Variants in GABRA2 observed in about 807,000 individuals in gnomAD.
The protein encoded by GABRA2 is gamma-aminobutyric acid type A receptor subunit alpha2, also known as gamma-aminobutyric acid receptor subunit alpha-2.
A neutral mutation model predicts 48.7 loss-of-function variants in GABRA2; 16 were observed. The observed-to-expected ratio is 0.33, with a 90% CI of 0.22 to 0.50. GABRA2 has a LOEUF of 0.50. Ranked by LOEUF, GABRA2 falls within the 20% of genes least tolerant of loss-of-function variation. The pLI is 0.98. For missense variants in GABRA2, 275 were observed against 535.6 expected, an observed-to-expected ratio of 0.51 and a Z score of 4.80; for synonymous variants, 185 against 184.5, an observed-to-expected ratio of 1.00 and a Z score of -0.02.
chr4:46,287,284 C>T (rs1722734640), intron 8 of GABRA2, among the ~76,000 whole-genome samples: 1 of 124,472 alleles, frequency 8.0e-6, no homozygotes, highest in African/African-American at 2.7e-5. Flanking sequence ...ATTCCTCCAG[C>T]TTTGTTCTTG....
chr4:46,376,370 T>C (rs150584029), intron 3 of GABRA2, among the ~76,000 whole-genome samples: 5 of 152,214 alleles, frequency 3.3e-5, no homozygotes, highest in African/African-American at 1.2e-4. Context: ...CACTGTGTAT[T>C]AAGGGGGAGA....
At position 46,389,882 on chromosome 4, in the gene GABRA2, G is replaced by A. The variant is rs2109397055; in HGVS notation, c.-158C>T. ...GAGAGACCGAGACTGCAGCAGCCAA[G>A]AGAGCGTGGAGCGATGGGCTGGTGG... is the stretch of plus-strand genomic sequence containing the variant. On this transcript the variant is annotated 5_prime_UTR_variant, in exon 1 of 10. Coordinates refer to ENST00000381620, the MANE Select transcript of GABRA2 (RefSeq NM_000807.4). The A allele has an allele frequency of 1.0e-6, 1 of 977,928 alleles. No homozygotes were observed. The highest frequency in any genetic ancestry group is 1.2e-6 in the Non-Finnish European group (1 of 828,490). 60.6% of individuals were successfully genotyped at this position (977,928 alleles called of 1,614,324 possible). A position where few individuals can be genotyped will look rare whatever the true frequency, so the allele number is the denominator to read the frequency against.
At chr4:46,255,886 T>C (rs957954205) in intron 9 of GABRA2, among the ~76,000 whole-genome samples, 1 of 151,486 alleles carries the variant, frequency 6.6e-6, no homozygotes, top group Non-Finnish European at 1.5e-5. Flanking sequence ...CACCTATGAG[T>C]AAAGTGACCT....
At position 46,331,817 on chromosome 4, in the gene GABRA2, G is replaced by A. The variant is rs371974430; in HGVS notation, c.255+798C>T. Among the ~76,000 whole-genome samples the A allele has an allele frequency of 2.2e-3, 332 of 152,104 alleles. 2 individuals are homozygous for A. The highest frequency in any genetic ancestry group is 7.3e-3 in the African/African-American group (301 of 41,512). ...CAGGATCACAGCTCACTGCAACTTC[G>A]ACCTCCTGGGCTCAAGTGATCCTCC... On this transcript the variant is annotated intron_variant, in intron 4 of 9. Coordinates refer to ENST00000381620, the MANE Select transcript of GABRA2 (RefSeq NM_000807.4).
At chr4:46,343,023 G>A (rs1192715952) in intron 3 of GABRA2, among the ~76,000 whole-genome samples, 2 of 151,730 alleles carry the variant, frequency 1.3e-5, no homozygotes, top group Admixed American at 6.6e-5. Flanking sequence ...CACTTTCTAA[G>A]CTTTTTTAAA....
intron 4 of GABRA2, among the ~76,000 whole-genome samples, chr4:46,331,560 A>C (rs1355872036): frequency 6.6e-6 from 1 of 152,178 alleles, no homozygotes; most frequent in African/African-American, 2.4e-5. Flanking sequence ...GAGAAAGGGA[A>C]GAATTTCATC....
rs72160209 is a variant in GABRA2, at chr4:46,264,986, CATAT to C, written c.857-2862_857-2859del. On this transcript the variant is annotated intron_variant, in intron 8 of 9. Transcript: ENST00000381620. ...CAATTGTTCCCAGAATTACTTTATA[CATAT>C]ATATATATATATGTATAAAGAGAGA... Among the ~76,000 whole-genome samples, 6 of 107,470 alleles carry C rather than the reference CATAT, an allele frequency of 5.6e-5. 1 individual carries two copies. Among genetic ancestry groups the C allele is most frequent in the Admixed American group, 2.0e-4 (2 of 10,190 alleles). 70.5% of individuals were successfully genotyped at this position (107,470 alleles called of 152,430 possible).
At chr4:46,347,996 A>C (rs1411280114) in intron 3 of GABRA2, among the ~76,000 whole-genome samples, 4 of 152,104 alleles carry the variant, frequency 2.6e-5, no homozygotes, top group Admixed American at 1.3e-4. Flanking sequence ...CAACCTACGA[A>C]ATGGGAGAAA....
chr4:46,262,700 C>T (rs1717220376), intron 8 of GABRA2, among the ~76,000 whole-genome samples: 1 of 151,980 alleles, frequency 6.6e-6, no homozygotes, highest in African/African-American at 2.4e-5. Flanking sequence ...GAGTTCAAGA[C>T]CAGCCTGGCC....
intron 3 of GABRA2, among the ~76,000 whole-genome samples, chr4:46,334,784 A>G (rs959899080): frequency 1.3e-5 from 2 of 152,160 alleles, no homozygotes; most frequent in African/African-American, 2.4e-5. Context: ...AGAAAAAGAA[A>G]TGGTTTCATG....
intron 3 of GABRA2, among the ~76,000 whole-genome samples, chr4:46,342,862 T>C (rs1733512994): frequency 6.6e-6 from 1 of 151,946 alleles, no homozygotes; most frequent in South Asian, 2.1e-4. Flanking sequence ...AGGGACTGGC[T>C]TTGTTGCCCA....
chr4:46,390,064 A>C lies in GABRA2; in HGVS notation c.-340T>G, dbSNP rs1301931308. 2.6e-5 allele frequency: 4 copies of C among 152,150 alleles called. No individual in the cohort carries two copies. The highest frequency in any genetic ancestry group is 2.9e-5 in the Non-Finnish European group (3 of 104,434). 9.4% of individuals were successfully genotyped at this position (152,150 alleles called of 1,614,324 possible). ...TGACAGGAGCTGGGGCCGGGGGGGGAAATTGGGGGGACGCGGGCGGAGGCG... is the reference window on the plus strand; with the variant it reads ...TGACAGGAGCTGGGGCCGGGGGGGGCAATTGGGGGGACGCGGGCGGAGGCG... On this transcript the variant is annotated 5_prime_UTR_variant, in exon 1 of 10. Transcript: ENST00000381620.
At chr4:46,376,773 C>CCCACGGTCTCCCTCTCCCTCTCT (rs1560601332) in intron 3 of GABRA2, among the ~76,000 whole-genome samples, 2 of 149,862 alleles carry the variant, frequency 1.3e-5, no homozygotes, top group East Asian at 2.0e-4. Context: ...TCTCCCTCTC[C>CCCACGGTCTCCCTCTCCCTCTCT]CCACGGTCTC....
intron 8 of GABRA2, among the ~76,000 whole-genome samples, chr4:46,287,245 C>G (rs1722727601): frequency 6.6e-6 from 1 of 151,758 alleles, no homozygotes; most frequent in Non-Finnish European, 1.5e-5. Flanking sequence ...TCTAACAACC[C>G]TGTTGAAAAT....
At chr4:46,335,957 T>A (rs1732157413) in intron 3 of GABRA2, among the ~76,000 whole-genome samples, 1 of 152,204 alleles carries the variant, frequency 6.6e-6, no homozygotes, top group African/African-American at 2.4e-5. Flanking sequence ...ATTTTTGCTC[T>A]CTGACACTTT....
intron 4 of GABRA2, among the ~76,000 whole-genome samples, chr4:46,319,663 G>C (rs755548811): frequency 2.6e-5 from 4 of 151,810 alleles, no homozygotes; most frequent in Non-Finnish European, 4.4e-5. Flanking sequence ...CCAAACTACA[G>C]TTGCAGAACA....
rs537874030 is a variant in GABRA2, at chr4:46,277,277, A to G, written c.857-15149T>C. ...AATTGGCAGTGAGCTAACTGGGATG[A>G]GACTCTGACAACAGCAGGGAGGAGG... On this transcript the variant is annotated intron_variant, in intron 8 of 9. Coordinates refer to ENST00000381620, the MANE Select transcript of GABRA2 (RefSeq NM_000807.4). Among the ~76,000 whole-genome samples, 167 of 152,242 alleles carry G rather than the reference A, an allele frequency of 1.1e-3. 2 individuals carry two copies. Among genetic ancestry groups the G allele is most frequent in the African/African-American group, 4.0e-3 (165 of 41,568 alleles).
chr4:46,256,171 C>G, intron 9 of GABRA2: 1 of 617,166 alleles, frequency 1.6e-6, no homozygotes, highest in Non-Finnish European at 2.9e-6. Context: ...ACTAATCATC[C>G]TGACTGAGAA....
At chr4:46,370,894 CACACACACACACACA>C (rs1714785809) in intron 3 of GABRA2, among the ~76,000 whole-genome samples, 1 of 150,198 alleles carries the variant, frequency 6.7e-6, no homozygotes, top group Admixed American at 6.7e-5. Context: ...TGAAACAAGC[CACACACACACACACA>C]ACACACACAC....
Sources: allele counts gnomAD v4.1 joint callset (sites outside exome capture counted in the v4.1 genomes callset), GRCh38; gene constraint gnomAD v4.1.1; transcripts MANE v1.5; gene names NCBI Gene and HGNC (gene_info 2026-07-23, HGNC 2026-07-21).